SYNE1: variants seen among roughly 807,000 people sequenced by gnomAD.
SYNE1 encodes nesprin-1.
In SYNE1, 616 loss-of-function variants were observed where a neutral mutation model predicts 1,111.0. That is an observed-to-expected ratio of 0.55 (90% CI 0.52 to 0.59). The LOEUF is 0.59. Ranked by LOEUF, SYNE1 falls within the 20% of genes least tolerant of loss-of-function variation. SYNE1 has a pLI of 0.00. For synonymous variants in SYNE1, 3,855 were observed against 3,825.8 expected (o/e 1.01, Z -0.28); for missense variants, 10,006 against 10,417.0 (o/e 0.96, Z 1.72).
Position 152,472,311 on chromosome 6 carries a change from T to C in SYNE1, c.1453A>G (p.Met485Val), listed in dbSNP as rs767978898. The C allele has an allele frequency of 1.9e-5, 31 of 1,613,182 alleles. No individual in the cohort carries two copies. Among genetic ancestry groups the C allele is most frequent in the Admixed American group, 5.0e-5 (3 of 59,998 alleles). The change falls in exon 15 of 146, where the codon ATG (methionine) becomes GTG (valine). Residue 485 changes from methionine to valine, a missense_variant. Transcript: ENST00000367255. The part of the protein sequence containing the change: ...IPVPPDQLED[M>V]AERFHFVSST... ...CAGATATTCTCTTACCTCTCGGCCA[T>C]GTCCTCTAATTGATCAGGTGGCACT...
intron 4 of SYNE1, among the ~76,000 whole-genome samples, chr6:152,538,570 T>C (rs967675370): frequency 6.6e-6 from 1 of 152,036 alleles, no homozygotes; most frequent in Non-Finnish European, 1.5e-5. Context: ...ATTATTAATA[T>C]TATTTTCAAT....
At chr6:152,448,395 C>T (rs2098611954) in intron 28 of SYNE1, among the ~76,000 whole-genome samples, 1 of 152,180 alleles carries the variant, frequency 6.6e-6, no homozygotes, top group South Asian at 2.1e-4. Context: ...AGCCAGGAAA[C>T]TGTTGGTTCC....
chr6:152,304,189 G>T lies in SYNE1; in HGVS notation c.17347-2126C>A, dbSNP rs76929376. 2.2e-3 allele frequency among the ~76,000 whole-genome samples: 331 copies of T among 152,162 alleles called. 5 individuals carry two copies. The East Asian group carries it at 0.03, about 14-fold the overall frequency. ...TATCTTGTCTAGTGGCTAGCACGTG[G>T]GTACTCAATAAATGACATTTACTGC... On this transcript the variant is annotated intron_variant, in intron 91 of 145. Transcript: ENST00000367255.
In SYNE1 at chr6:152,453,553, G is replaced by A. The variant is rs377164454; in HGVS notation, c.3027+33C>T. 2.7e-5 allele frequency: 43 copies of A among 1,613,482 alleles called. No homozygotes were observed. In the Middle Eastern group the frequency reaches 4.9e-4, roughly 19 times the overall value. ...CGCTCAAGCTTCTCCCTTCATTGAG[G>A]ATGCACGGTGTCTCCGTCCTGTCCT... On this transcript the variant is annotated intron_variant, in intron 25 of 145. Transcript: ENST00000367255.
Position 152,325,155 on chromosome 6 carries a change from G to C in SYNE1, c.15586C>G (p.Arg5196Gly), listed in dbSNP as rs1563075936. ...TTVWQRWTRLRAVAQDQEKIL... is the reference protein window; with the variant it reads ...TTVWQRWTRLGAVAQDQEKIL... ...TTCTCCTGGTCCTGGGCCACAGCTC[G>C]AAGGCGTGTCCAGCGCTGCCAGACG... is the stretch of plus-strand genomic sequence containing the variant. The change falls in exon 81 of 146, where the codon CGA (arginine) becomes GGA (glycine). Residue 5196 changes from arginine to glycine, a missense_variant. Physicochemically the swap from Arg to Gly is moderately radical, Grantham distance 125. Around this residue, in one of 7 missense-constraint regions of SYNE1, gnomAD observed 4,955 missense variants for 5,017.2 expected, o/e 0.99. Coordinates refer to ENST00000367255, the MANE Select transcript of SYNE1 (RefSeq NM_182961.4). 1.9e-6 allele frequency: 3 copies of C among 1,614,194 alleles called. No homozygotes were observed. The highest frequency in any genetic ancestry group is 1.7e-5 in the Admixed American group (1 of 60,032).
intron 3 of SYNE1, among the ~76,000 whole-genome samples, chr6:152,585,222 G>A (rs1233139266): frequency 1.3e-5 from 2 of 152,140 alleles, no homozygotes; most frequent in African/African-American, 4.8e-5. Flanking sequence ...GTTTCCTGAG[G>A]CCTCCCCAAC....
In SYNE1 at chr6:152,190,767, G is replaced by A. The variant is rs114679254; in HGVS notation, c.23146-1360C>T. Among the ~76,000 whole-genome samples, 595 of 152,206 alleles carry A rather than the reference G, an allele frequency of 3.9e-3. 6 individuals are homozygous for A. The highest frequency in any genetic ancestry group is 0.014 in the African/African-American group (563 of 41,526). ...ATCTTTCTACTCTCTATCTCCATGA[G>A]TTCAGCTGTTTTAATTTTTAACTCC... On this transcript the variant is annotated intron_variant, in intron 127 of 145. Coordinates refer to ENST00000367255, the MANE Select transcript of SYNE1 (RefSeq NM_182961.4).
At chr6:152,262,272 G>T in intron 100 of SYNE1, 84 bp from the exon 101 acceptor site, 2 of 1,275,074 alleles carry the variant, frequency 1.6e-6, no homozygotes, top group Non-Finnish European at 2.3e-6. Flanking sequence ...ACCAGACCTG[G>T]CTTCTCAAAT....
chr6:152,407,220 G>A, intron 44 of SYNE1, 24 bp from the exon 45 acceptor site: 2 of 1,611,744 alleles, frequency 1.2e-6, no homozygotes, highest in Non-Finnish European at 1.7e-6. Flanking sequence ...AGAAGCCATG[G>A]CATTCATAGT....
chr6:152,211,686 T>C, intron 123 of SYNE1, 98 bp from the exon 124 acceptor site: 1 of 1,012,290 alleles, frequency 9.9e-7, no homozygotes, highest in Non-Finnish European at 1.5e-6. Flanking sequence ...CGCAAGACTA[T>C]GAAAGCTATC....
chr6:152,192,298 T>C (rs1381442372), intron 127 of SYNE1, among the ~76,000 whole-genome samples: 2 of 147,188 alleles, frequency 1.4e-5, no homozygotes, highest in South Asian at 2.2e-4. Context: ...AGTGTTTTTT[T>C]GTTTATTTTC....
At chr6:152,488,539 C>T in intron 11 of SYNE1, 36 bp from the exon 12 acceptor site, 1 of 1,145,834 alleles carries the variant, frequency 8.7e-7, no homozygotes, top group Non-Finnish European at 1.3e-6. Flanking sequence ...TTATTAGTAT[C>T]TGTGCATTTA....
At chr6:152,604,437 G>T (rs1918334) in intron 3 of SYNE1, among the ~76,000 whole-genome samples, 32,841 of 151,742 alleles carry the variant, frequency 0.22, 3,787 homozygotes, top group East Asian at 0.26. Context: ...CAAGTAGCTG[G>T]GATTACAGGG....
chr6:152,436,350 G>A (rs1318467579), intron 32 of SYNE1, among the ~76,000 whole-genome samples: 1 of 151,802 alleles, frequency 6.6e-6, no homozygotes, highest in African/African-American at 2.4e-5. Flanking sequence ...TGCCCATGCT[G>A]GAATGCAGTG....
rs375528988 is a variant in SYNE1, at chr6:152,418,717, T to C, written c.5421+852A>G. On this transcript the variant is annotated intron_variant, in intron 40 of 145. Transcript: ENST00000367255. The stretch of plus-strand genomic sequence containing the variant: ...CCCTTATCTGACTAAGGAAAGTTCC[T>C]CCAGAAGAAATATAATCATCAACCA... Among the ~76,000 whole-genome samples, 3 of 152,110 alleles carry C rather than the reference T, an allele frequency of 2.0e-5. No homozygotes were observed. In the East Asian group the frequency reaches 5.8e-4, roughly 29 times the overall value.
chr6:152,359,560 T>A, intron 64 of SYNE1, 102 bp from the exon 65 acceptor site: 1 of 1,459,758 alleles, frequency 6.9e-7, no homozygotes, highest in South Asian at 1.2e-5. Context: ...ACAAGTGACC[T>A]CAGGTTATTT....
In SYNE1 at chr6:152,122,219, T is replaced by C; in HGVS notation, c.*217A>G. ...TAAGGTTCAGAGTCTCAAACCAGAT[T>C]TCTTCCAAACCTTCTTGTTGTCTGT... On this transcript the variant is annotated 3_prime_UTR_variant, in exon 146 of 146. Transcript: ENST00000367255. 1 of 706,252 alleles carries C rather than the reference T, an allele frequency of 1.4e-6. No individual in the cohort carries two copies. Among genetic ancestry groups the C allele is most frequent in the Non-Finnish European group, 2.3e-6 (1 of 429,408 alleles). 43.7% of individuals were successfully genotyped at this position (706,252 alleles called of 1,614,324 possible).
chr6:152,463,343 A>G lies in SYNE1; in HGVS notation c.2097+10T>C. 6.2e-7 allele frequency: 1 copy of G among 1,613,654 alleles called. No individual in the cohort carries two copies. The highest frequency in any genetic ancestry group is 8.5e-7 in the Non-Finnish European group (1 of 1,179,646). ...ACACGTTGAGGTGTATATAGACTTGAAAGACATACTTGCTTGACTTCCATA... is the reference window on the plus strand; with the variant it reads ...ACACGTTGAGGTGTATATAGACTTGGAAGACATACTTGCTTGACTTCCATA... On this transcript the variant is annotated intron_variant, in intron 19 of 145. Coordinates refer to ENST00000367255, the MANE Select transcript of SYNE1 (RefSeq NM_182961.4).
intron 3 of SYNE1, among the ~76,000 whole-genome samples, chr6:152,598,873 G>A (rs1315454644): frequency 1.3e-5 from 2 of 152,152 alleles, no homozygotes; most frequent in Admixed American, 1.3e-4. Context: ...TCATCTAGCT[G>A]TGCTTCCATG....
Sources: allele counts gnomAD v4.1 joint callset (sites outside exome capture counted in the v4.1 genomes callset), GRCh38; gene constraint gnomAD v4.1.1; regional missense constraint gnomAD v4.1.1; transcripts MANE v1.5; gene names NCBI Gene and HGNC (gene_info 2026-07-23, HGNC 2026-07-21).